ZMYND11: variants seen among roughly 807,000 people sequenced by gnomAD.
The protein encoded by ZMYND11 is zinc finger MYND domain-containing protein 11.
In ZMYND11, 9 loss-of-function variants were observed where a neutral mutation model predicts 84.9. The ratio of observed to expected loss-of-function variants is 0.11; its 90% confidence interval spans 0.06 to 0.18. The LOEUF (loss-of-function observed/expected upper bound fraction) is 0.18. Among genes scored for constraint, ZMYND11 ranks in the 10% least tolerant of loss-of-function variants. The pLI is 1.00. For missense variants in ZMYND11, 409 were observed against 761.0 expected (o/e 0.54, Z 5.44); for synonymous variants, 250 against 244.1 (o/e 1.02, Z -0.23).
At position 196,704 on chromosome 10, in the gene ZMYND11, T is replaced by C. The variant is rs12412203; in HGVS notation, c.117-13185T>C. On this transcript the variant is annotated intron_variant, in intron 2 of 14. Coordinates refer to ENST00000381604, the MANE Select transcript of ZMYND11 (RefSeq NM_001370100.5). ...TAAATGAATATTAAAAAGGAAAGTA[T>C]AACATTTTAAATACTGGAATTCAAT... 3.3e-3 allele frequency among the ~76,000 whole-genome samples: 506 copies of C among 152,296 alleles called. 11 individuals are homozygous for C. Among genetic ancestry groups the C allele is most frequent in the Admixed American group, 0.029 (448 of 15,302 alleles).
upstream of ZMYND11, among the ~76,000 whole-genome samples, chr10:133,247 ATG>A (rs2130991546): frequency 6.6e-6 from 1 of 152,362 alleles, no homozygotes; most frequent in African/African-American, 2.4e-5. Flanking sequence ...CGTTGTTTGA[ATG>A]TGTCATTACT....
chr10:238,086 A>G lies in ZMYND11; in HGVS notation c.609+409A>G, dbSNP rs190275134. The stretch of plus-strand genomic sequence containing the variant: ...AACTGATCTGCCGTCTTGGGAAACA[A>G]TAAAATGAACAAAAAAAATTATGAT... On this transcript the variant is annotated intron_variant, in intron 6 of 14. Coordinates refer to ENST00000381604, the MANE Select transcript of ZMYND11 (RefSeq NM_001370100.5). Among the ~76,000 whole-genome samples, 593 of 152,362 alleles carry G rather than the reference A, an allele frequency of 3.9e-3. 3 individuals carry two copies. Among genetic ancestry groups the G allele is most frequent in the Admixed American group, 5.4e-3 (83 of 15,304 alleles).
chr10:240,194 GTT>G (rs1950635810), intron 8 of ZMYND11, 83 bp downstream of exon 8: 1 of 1,223,392 alleles, frequency 8.2e-7, no homozygotes, highest in Non-Finnish European at 1.1e-6. Flanking sequence ...CTACATTTTA[GTT>G]GTGCCATTTC....
chr10:175,230 G>C (rs1254885829), intron 1 of ZMYND11, among the ~76,000 whole-genome samples: 2 of 152,176 alleles, frequency 1.3e-5, no homozygotes, highest in Admixed American at 6.5e-5. Flanking sequence ...TGGGAGCTCT[G>C]TATTTTCCAC....
At chr10:135,383 C>CCGGGGAGGAGGGAGGAGGCCGG, upstream of ZMYND11, 1 of 150,436 alleles carries the variant, frequency 6.6e-6, no homozygotes, top group Non-Finnish European at 1.5e-5. The surrounding 1 kb of genome is among the most constrained non-coding windows in gnomAD (Gnocchi z 5.6). Flanking sequence ...CGGGGGGGAG[C>CCGGGGAGGAGGGAGGAGGCCGG]CGGGGAGGAG....
chr10:247,278 G>A (rs1185571069), intron 11 of ZMYND11, 120 bp from the exon 12 acceptor site: 3 of 1,160,998 alleles, frequency 2.6e-6, no homozygotes, highest in Non-Finnish European at 3.7e-6. Flanking sequence ...CTGAGTGGAT[G>A]GAAGGATGCA....
At chr10:246,518 C>T (rs543142677) in intron 10 of ZMYND11, among the ~76,000 whole-genome samples, 25 of 152,270 alleles carry the variant, frequency 1.6e-4, no homozygotes, top group Non-Finnish European at 3.2e-4. Flanking sequence ...CTGTGAAAGA[C>T]AAAACAAATC....
chr10:177,148 C>G (rs182487390), intron 1 of ZMYND11, among the ~76,000 whole-genome samples: 1 of 152,042 alleles, frequency 6.6e-6, no homozygotes, highest in Non-Finnish European at 1.5e-5. Context: ...GTGTGTAACA[C>G]GCATATATGA....
At chr10:180,372 T>G (rs545845718) in intron 2 of ZMYND11, among the ~76,000 whole-genome samples, 3 of 152,370 alleles carry the variant, frequency 2.0e-5, no homozygotes, top group Admixed American at 6.5e-5. Context: ...ATAATAGTTT[T>G]TTAGTTAACC....
At chr10:164,245 G>A (rs563433491) in intron 1 of ZMYND11, among the ~76,000 whole-genome samples, 4 of 152,084 alleles carry the variant, frequency 2.6e-5, no homozygotes, top group African/African-American at 4.8e-5. Flanking sequence ...CAAACATACC[G>A]AGTTCTTTCT....
chr10:167,909 C>A (rs1397806715), intron 1 of ZMYND11, among the ~76,000 whole-genome samples: 1 of 152,084 alleles, frequency 6.6e-6, no homozygotes, highest in Admixed American at 6.6e-5. Context: ...GTGCAATTCT[C>A]ACCATCATCC....
chr10:177,787 G>C (rs1389662194), intron 1 of ZMYND11, among the ~76,000 whole-genome samples: 2 of 151,912 alleles, frequency 1.3e-5, no homozygotes, highest in African/African-American at 4.8e-5. Context: ...ATTCTTCAGT[G>C]TTTGCTCTAG....
At chr10:229,673 C>G (rs544318766) in intron 4 of ZMYND11, among the ~76,000 whole-genome samples, 84 of 152,176 alleles carry the variant, frequency 5.5e-4, no homozygotes, top group Non-Finnish European at 8.8e-5. Context: ...GTGAAAAAAC[C>G]GAACAGGAGT....
At chr10:246,728 G>C in intron 10 of ZMYND11, 38 bp from the exon 11 acceptor site, 1 of 1,598,108 alleles carries the variant, frequency 6.3e-7, no homozygotes. Flanking sequence ...CCTGCCATTT[G>C]GGATGTTTCT....
intron 4 of ZMYND11, among the ~76,000 whole-genome samples, chr10:234,710 G>C (rs1472998403): frequency 6.6e-6 from 1 of 152,168 alleles, no homozygotes; most frequent in Non-Finnish European, 1.5e-5. Flanking sequence ...CTTTTAAGAA[G>C]AATGTACATT....
intron 14 of ZMYND11, among the ~76,000 whole-genome samples, chr10:251,362 C>T (rs1374008764): frequency 6.6e-6 from 1 of 152,142 alleles, no homozygotes; most frequent in African/African-American, 2.4e-5. Flanking sequence ...ACTGACTCTG[C>T]ACCTAATGGG....
chr10:235,113 C>T (rs1949728304), intron 4 of ZMYND11, among the ~76,000 whole-genome samples: 1 of 152,174 alleles, frequency 6.6e-6, no homozygotes, highest in Non-Finnish European at 1.5e-5. Context: ...CAAAACATCA[C>T]ATTGTACACC....
chr10:226,475 A>T (rs1034568206), intron 4 of ZMYND11, among the ~76,000 whole-genome samples: 1 of 152,184 alleles, frequency 6.6e-6, no homozygotes, highest in Non-Finnish European at 1.5e-5. Flanking sequence ...TAATATGTGC[A>T]TGTTTCTTAC....
chr10:236,224 A>C (rs1949935371), intron 4 of ZMYND11, among the ~76,000 whole-genome samples: 1 of 152,238 alleles, frequency 6.6e-6, no homozygotes, highest in Non-Finnish European at 1.5e-5. Flanking sequence ...GCTGTTTAGA[A>C]ATAACATGCG....
Sources: gnomAD v4.1 joint callset for allele counts (sites outside exome capture counted in the v4.1 genomes callset) on GRCh38, gnomAD v4.1.1 for gene constraint, Gnocchi (gnomAD v3.1) non-coding constraint, MANE v1.5 for transcripts, NCBI Gene and HGNC (gene_info 2026-07-23, HGNC 2026-07-21) for gene names.